Variants in LZTR1 observed in about 807,000 individuals in gnomAD.
LZTR1 encodes the protein leucine zipper like post translational regulator 1.
In LZTR1, 260 loss-of-function variants were observed where a neutral mutation model predicts 105.7. That is an observed-to-expected ratio of 2.46 (90% CI 2.22 to 2.72). LZTR1 has a LOEUF of 2.72. Ranked by LOEUF, LZTR1 falls within the 30% of genes most tolerant of loss-of-function variation. LZTR1 has a pLI of 0.00. For missense variants in LZTR1, 1,214 were observed against 1,166.9 expected (o/e 1.04, Z -0.59); for synonymous variants, 490 against 476.4 (o/e 1.03, Z -0.37).
In LZTR1 at chr22:20,992,203, C is replaced by G; in HGVS notation, c.994-11C>G. ...CAACTGGTCTCATGCCCATGTGTCT[C>G]CCCTCTTCAGGTTGGTGGGGCTGAA... On this transcript the variant is annotated splice_polypyrimidine_tract_variant and intron_variant, in intron 9 of 20. Transcript: ENST00000646124. The G allele has an allele frequency of 6.2e-7, 1 of 1,612,072 alleles. No individual in the cohort carries two copies. The highest frequency in any genetic ancestry group is 1.7e-4 in the Middle Eastern group (1 of 5,810).
chr22:20,993,875 C>T, intron 12 of LZTR1, 49 bp from the exon 13 acceptor site: 1 of 1,588,226 alleles, frequency 6.3e-7, no homozygotes, highest in Non-Finnish European at 8.6e-7. Flanking sequence ...TCTCTGTTCT[C>T]TGGGGCGAGG....
At chr22:20,993,212 GGGCCGACAGT>G (rs1285746184) in intron 11 of LZTR1, 10 of 441,720 alleles carry the variant, frequency 2.3e-5, no homozygotes, top group Non-Finnish European at 3.7e-5. Flanking sequence ...GGCAGAGCCA[GGGCCGACAGT>G]GGCTTGCGTT....
rs58365624 is a variant in LZTR1, at chr22:20,987,388, C to CAA, written c.321-102_321-101dup. ...GGGACGACAGAGAGAGACTCCGTCT[C>CAA]AAAAAAAAAAAAAAAGAAAAAAGAA... is the stretch of plus-strand genomic sequence containing the variant. On this transcript the variant is annotated intron_variant, in intron 3 of 20. Transcript: ENST00000646124. 16,840 of 525,666 alleles carry CAA rather than the reference C, an allele frequency of 0.032. 14 individuals are homozygous for CAA. Among genetic ancestry groups the CAA allele is most frequent in the South Asian group, 0.044 (1,817 of 40,930 alleles). 32.6% of individuals were successfully genotyped at this position (525,666 alleles called of 1,614,324 possible).
chr22:20,993,685 G>T lies in LZTR1; in HGVS notation c.1284G>T (p.Thr428=). The change falls in exon 12 of 21, where the codon ACG becomes ACT. Residue 428 remains threonine (T), a synonymous_variant. Transcript: ENST00000646124. Reference sequence around the variant, plus strand: ...AGTTCTCCTGTTACCCTAAATGCACGCTGCACGAGGACTACGGGCGGCTGT... The same window carrying T: ...AGTTCTCCTGTTACCCTAAATGCACTCTGCACGAGGACTACGGGCGGCTGT... The part of the protein sequence containing the change: ...RFQFSCYPKC[T]LHEDYGRLWE... 6.2e-7 allele frequency: 1 copy of T among 1,613,486 alleles called. No individual in the cohort carries two copies. The highest frequency in any genetic ancestry group is 8.5e-7 in the Non-Finnish European group (1 of 1,179,906).
Position 20,995,033 on chromosome 22 carries a change from A to G in LZTR1, c.1942+7A>G, listed in dbSNP as rs1320981425. 1 of 1,601,578 alleles carries G rather than the reference A, an allele frequency of 6.2e-7. No homozygotes were observed. The highest frequency in any genetic ancestry group is 1.7e-5 in the Admixed American group (1 of 59,174). On this transcript the variant is annotated splice_region_variant and intron_variant, in intron 16 of 20. Coordinates refer to ENST00000646124, the MANE Select transcript of LZTR1 (RefSeq NM_006767.4). ...GACCAGCCAGTGGACATTGGTAGGG[A>G]GCCCCGTTCCCCTTCCCTGGGGGCT...
rs751178509 is a variant in LZTR1, at chr22:20,994,963, G to A, written c.1879G>A (p.Glu627Lys). 3.1e-6 allele frequency: 5 copies of A among 1,613,280 alleles called. No individual in the cohort carries two copies. The highest frequency in any genetic ancestry group is 2.2e-5 in the East Asian group (1 of 44,884). Reference protein sequence around the residue: ...FERLSSPLIVEIVRRKQQPPP... With the variant: ...FERLSSPLIVKIVRRKQQPPP... ...GCGCCTCTCCTCTCCACTGATAGTG[G>A]AGATTGTGCGGCGGAAGCAGCAGCC... Residue 627 changes from glutamate (E) to lysine (K), a missense_variant, in exon 16 of 21, where the codon GAG becomes AAG. Physicochemically the swap from Glu to Lys is moderately conservative, Grantham distance 56. Transcript: ENST00000646124.
At position 20,990,443 on chromosome 22, in the gene LZTR1, C is replaced by A. The variant is rs146197956; in HGVS notation, c.709C>A (p.Arg237=). ...SCCNFPVAVC[R]DKMFVFSGQS... Reference sequence around the variant, plus strand: ...CTGCAACTTCCCCGTGGCTGTGTGCCGGGACAAGATGTTTGTATTCTCTGG... The same window carrying A: ...CTGCAACTTCCCCGTGGCTGTGTGCAGGGACAAGATGTTTGTATTCTCTGG... Residue 237 remains arginine, a synonymous_variant, in exon 8 of 21, where the codon CGG becomes AGG. Transcript: ENST00000646124. 3 of 1,613,928 alleles carry A rather than the reference C, an allele frequency of 1.9e-6. No homozygotes were observed. Among genetic ancestry groups the A allele is most frequent in the Non-Finnish European group, 2.5e-6 (3 of 1,179,998 alleles).
Position 20,989,664 on chromosome 22 carries a change from G to A in LZTR1, c.633G>A (p.Glu211=), listed in dbSNP as rs1924524661. The part of the protein sequence containing the change: ...DMWTIGLQDR[E]LTCWEEVAQS... ...GGACAATTGGCCTCCAGGACCGAGA[G>A]CTCACCTGCTGGGAGGAGGTGAGGG... Residue 211 remains glutamate, a synonymous_variant, in exon 7 of 21, where the codon GAG becomes GAA. Coordinates refer to ENST00000646124, the MANE Select transcript of LZTR1 (RefSeq NM_006767.4). The A allele has an allele frequency of 6.2e-7, 1 of 1,612,716 alleles. No individual in the cohort carries two copies. Among genetic ancestry groups the A allele is most frequent in the African/African-American group, 1.3e-5 (1 of 74,830 alleles).
intron 6 of LZTR1, 90 bp from the exon 7 acceptor site, chr22:20,989,535 G>C: frequency 9.6e-7 from 1 of 1,042,660 alleles, no homozygotes; most frequent in South Asian, 1.3e-5. Context: ...TGGGGGTGGG[G>C]CTCCTCCCTG....
intron 3 of LZTR1, 99 bp from the exon 4 acceptor site, chr22:20,987,405 A>AT: frequency 1.5e-6 from 1 of 670,130 alleles, no homozygotes; most frequent in Non-Finnish European, 2.7e-6. Context: ...AAAAAAAAAG[A>AT]AAAAAGAAAG....
intron 3 of LZTR1, chr22:20,986,480 A>AGACAGATAGAT (rs1412096349): frequency 6.6e-6 from 1 of 152,622 alleles, no homozygotes; most frequent in Non-Finnish European, 1.5e-5. Context: ...TAGGTAGATT[A>AGACAGATAGAT]GACAGATAGA....
chr22:20,998,283 G>C lies in LZTR1; in HGVS notation c.*935G>C, dbSNP rs1924953837. Reference sequence around the variant, plus strand: ...ACCCAGTCACATTGGGAAGGGCTGTGAAGGCCTCCAGGCTGGCCCCTTCCA... The same window carrying C: ...ACCCAGTCACATTGGGAAGGGCTGTCAAGGCCTCCAGGCTGGCCCCTTCCA... On this transcript the variant is annotated 3_prime_UTR_variant, in exon 21 of 21. Coordinates refer to ENST00000646124, the MANE Select transcript of LZTR1 (RefSeq NM_006767.4). 1 of 152,464 alleles carries C rather than the reference G, an allele frequency of 6.6e-6. No individual in the cohort carries two copies. The highest frequency in any genetic ancestry group is 2.4e-5 in the African/African-American group (1 of 41,468). 9.4% of individuals were successfully genotyped at this position (152,464 alleles called of 1,614,324 possible).
rs1233848855 is a variant in LZTR1 at position 20,996,077 on chromosome 22, C to T, written c.2184C>T (p.Tyr728=). 1 of 1,613,250 alleles carries T rather than the reference C, an allele frequency of 6.2e-7. No individual in the cohort carries two copies. The change falls in exon 18 of 21, where the codon TAC becomes TAT. Residue 728 remains tyrosine, a synonymous_variant. Coordinates refer to ENST00000646124, the MANE Select transcript of LZTR1 (RefSeq NM_006767.4). The stretch of plus-strand genomic sequence containing the variant: ...TCGAGTCCATGCTGCGCTACATCTA[C>T]TACGGCGAGGTCAACATGCCGCCCG... The part of the protein sequence containing the change: ...QAFESMLRYI[Y]YGEVNMPPED...
Position 20,992,820 on chromosome 22 carries a change from G to A in LZTR1, c.1176G>A (p.Ala392=), listed in dbSNP as rs750130648. 8.1e-6 allele frequency: 13 copies of A among 1,605,744 alleles called. No individual in the cohort carries two copies. The highest frequency in any genetic ancestry group is 1.6e-4 in the Middle Eastern group (1 of 6,076). ...TGCCCAGTGGGAGGCTCTTCCACGC[G>A]GCTGCTGTCATCTCGGACGCCATGT... The part of the protein sequence containing the change: ...SELPSGRLFH[A]AAVISDAMYI... The change falls in exon 11 of 21, where the codon GCG becomes GCA. Residue 392 remains alanine (A), a synonymous_variant. Coordinates refer to ENST00000646124, the MANE Select transcript of LZTR1 (RefSeq NM_006767.4).
chr22:20,997,243 G>GC lies in LZTR1; in HGVS notation c.2421dup (p.Thr808HisfsTer43). 6.2e-7 allele frequency: 1 copy of GC among 1,612,730 alleles called. No homozygotes were observed. The highest frequency in any genetic ancestry group is 2.2e-5 in the East Asian group (1 of 44,874). The stretch of plus-strand genomic sequence containing the variant: ...TGCTTGCCTTACAGGTCTCCAAGTT[G>GC]CCCACCCTGCGGTCGCTGAGCCAGC... On this transcript the variant is annotated frameshift_variant, in exon 21 of 21. Transcript: ENST00000646124. LOFTEE classifies it high-confidence loss of function.
intron 3 of LZTR1, 66 bp downstream of exon 3, chr22:20,985,963 C>A: frequency 1.3e-6 from 2 of 1,508,694 alleles, no homozygotes; most frequent in South Asian, 1.1e-5. Flanking sequence ...GTGCTGGGTC[C>A]CAGTTGCTAG....
intron 9 of LZTR1, 152 bp from the exon 10 acceptor site, chr22:20,992,062 C>G (rs1285112511): frequency 5.1e-6 from 4 of 779,932 alleles, no homozygotes; most frequent in Non-Finnish European, 8.2e-6. Context: ...CTGCATGGGG[C>G]TGCTGTGCTG....
rs954327043 is a variant in LZTR1 at position 20,995,647 on chromosome 22, C to T, written c.1943-99C>T. On this transcript the variant is annotated intron_variant, in intron 16 of 20. Transcript: ENST00000646124. Reference sequence around the variant, plus strand: ...CCTTCTGCCTGGGTGAAGTTTTGTTCAGGGCAGCAACATGGGCAGATATGC... The same window carrying T: ...CCTTCTGCCTGGGTGAAGTTTTGTTTAGGGCAGCAACATGGGCAGATATGC... 1.8e-5 allele frequency: 27 copies of T among 1,461,726 alleles called. No individual in the cohort carries two copies. The African/African-American group carries it at 3.2e-4, about 17-fold the overall frequency. 90.5% of individuals were successfully genotyped at this position (1,461,726 alleles called of 1,614,324 possible). A position where few individuals can be genotyped will look rare whatever the true frequency, so the allele number is the denominator to read the frequency against.
At chr22:20,995,443 C>G (rs1345687004) in intron 16 of LZTR1, 1 of 636,314 alleles carries the variant, frequency 1.6e-6, no homozygotes, top group Non-Finnish European at 3.0e-6. Context: ...TCTGCAGGCA[C>G]CAGAGGCCAT....
Sources: gnomAD v4.1 joint callset for allele counts on GRCh38, gnomAD v4.1.1 for gene constraint, MANE v1.5 for transcripts, NCBI Gene and HGNC (gene_info 2026-07-23, HGNC 2026-07-21) for gene names.